CACNA1D: variants seen among roughly 807,000 people sequenced by gnomAD.
The protein encoded by CACNA1D is voltage-dependent L-type calcium channel subunit alpha-1D.
A neutral mutation model predicts 257.1 loss-of-function variants in CACNA1D; 55 were observed. The ratio of observed to expected loss-of-function variants is 0.21; its 90% CI spans 0.17 to 0.27. The LOEUF (loss-of-function observed/expected upper bound fraction) is 0.27, where lower values mean the gene tolerates loss of function less well. CACNA1D is among the 10% of genes least tolerant of loss of function. The pLI, the probability that CACNA1D is intolerant of heterozygous loss-of-function variation, is 1.00. For missense variants in CACNA1D, 1,876 were observed against 2,784.0 expected, an observed-to-expected ratio of 0.67 and a Z score of 7.34; for synonymous variants, 980 against 1,014.9, an observed-to-expected ratio of 0.97 and a Z score of 0.65.
At chr3:53,557,790 G>A (rs2092673865) in intron 3 of CACNA1D, among the ~76,000 whole-genome samples, 1 of 152,278 alleles carries the variant, frequency 6.6e-6, no homozygotes, top group Non-Finnish European at 1.5e-5. Context: ...AAAGCGGGGT[G>A]ACTTGAATTC....
At chr3:53,756,027 A>C (rs7373113) in intron 29 of CACNA1D, among the ~76,000 whole-genome samples, 123,131 of 152,054 alleles carry the variant, frequency 0.81, 50,531 homozygotes, top group East Asian at 1. Flanking sequence ...AGCTTTGTAA[A>C]AGGGTCCCTC....
At position 53,561,330 on chromosome 3, in the gene CACNA1D, A is replaced by G. The variant is rs1039570586; in HGVS notation, c.483+59610A>G. Among the ~76,000 whole-genome samples, 9 of 152,170 alleles carry G rather than the reference A, an allele frequency of 5.9e-5. No individual in the cohort carries two copies. In the South Asian group the frequency reaches 6.2e-4, roughly 11 times the overall value. On this transcript the variant is annotated intron_variant, in intron 3 of 47. Coordinates refer to ENST00000350061, the MANE Select transcript of CACNA1D (RefSeq NM_001128840.3). Reference sequence around the variant, plus strand: ...GACTGCTGCGCTCTGGTCTGGACTTACTCATGAATTATTGCATAACTCTGG... The same window carrying G: ...GACTGCTGCGCTCTGGTCTGGACTTGCTCATGAATTATTGCATAACTCTGG...
In CACNA1D at chr3:53,735,465, G is replaced by A. The variant is rs764701041; in HGVS notation, c.2713G>A (p.Ala905Thr). The A allele has an allele frequency of 6.8e-6, 11 of 1,613,740 alleles. No individual in the cohort carries two copies. Among genetic ancestry groups the A allele is most frequent in the African/African-American group, 1.3e-5 (1 of 74,952 alleles). Reference sequence around the variant, plus strand: ...CATGCTGAGCAGCGCTGCCCTGGCCGCAGAGGACCCCATCCGCAGCCACTC... The same window carrying A: ...CATGCTGAGCAGCGCTGCCCTGGCCACAGAGGACCCCATCCGCAGCCACTC... ...FIMLSSAALAAEDPIRSHSFR... is the reference protein window; with the variant it reads ...FIMLSSAALATEDPIRSHSFR... Residue 905 changes from alanine (A) to threonine (T), a missense_variant, in exon 20 of 48, where the codon GCA becomes ACA. Ala to Thr is a moderately conservative substitution (Grantham distance 58, BLOSUM62 0). Coordinates refer to ENST00000350061, the MANE Select transcript of CACNA1D (RefSeq NM_001128840.3).
intron 3 of CACNA1D, among the ~76,000 whole-genome samples, chr3:53,605,024 G>A (rs1046748805): frequency 6.6e-6 from 1 of 152,210 alleles, no homozygotes; most frequent in Non-Finnish European, 1.5e-5. Flanking sequence ...TCAAGAAGGT[G>A]CACTTATGTG....
chr3:53,711,476 C>G lies in CACNA1D; in HGVS notation c.1391-6825C>G, dbSNP rs548510510. Among the ~76,000 whole-genome samples, 4 of 152,348 alleles carry G rather than the reference C, an allele frequency of 2.6e-5. No individual in the cohort carries two copies. The South Asian group carries it at 8.3e-4, about 32-fold the overall frequency. On this transcript the variant is annotated intron_variant, in intron 9 of 47. Transcript: ENST00000350061. ...CTGCCTTGCTCTGCCCAAGTCATGGCAGTGGTTCGACAGCAGCACAAAGCT... is the reference window on the plus strand; with the variant it reads ...CTGCCTTGCTCTGCCCAAGTCATGGGAGTGGTTCGACAGCAGCACAAAGCT...
chr3:53,763,622 C>T (rs1473142849), intron 30 of CACNA1D, among the ~76,000 whole-genome samples: 1 of 152,230 alleles, frequency 6.6e-6, no homozygotes, highest in Non-Finnish European at 1.5e-5. Context: ...CCCCCTGCCC[C>T]TGATGCTCTG....
At chr3:53,629,790 G>A (rs1195638164) in intron 3 of CACNA1D, among the ~76,000 whole-genome samples, 2 of 152,166 alleles carry the variant, frequency 1.3e-5, no homozygotes, top group South Asian at 2.1e-4. Context: ...TTTGAGCCCC[G>A]ATGTATAAAT....
intron 3 of CACNA1D, among the ~76,000 whole-genome samples, chr3:53,610,070 T>C (rs999398135): frequency 6.6e-6 from 1 of 152,244 alleles, no homozygotes; most frequent in Non-Finnish European, 1.5e-5. Flanking sequence ...AATCATTGAC[T>C]TTTAATTCCA....
chr3:53,549,498 C>T (rs923125718), intron 3 of CACNA1D, among the ~76,000 whole-genome samples: 65 of 152,120 alleles, frequency 4.3e-4, no homozygotes, highest in African/African-American at 1.4e-3. Context: ...TAACACTCCT[C>T]AGCTGTAAAA....
At chr3:53,676,174 C>T (rs1345478801) in intron 8 of CACNA1D, among the ~76,000 whole-genome samples, 1 of 152,116 alleles carries the variant, frequency 6.6e-6, no homozygotes, top group Non-Finnish European at 1.5e-5. Flanking sequence ...AGTAGAGGTG[C>T]AGACCCAGAG....
At position 53,729,482 on chromosome 3, in the gene CACNA1D, C is replaced by G. The variant is rs368957935; in HGVS notation, c.2222-960C>G. 7.8e-4 allele frequency among the ~76,000 whole-genome samples: 119 copies of G among 152,298 alleles called. 2 individuals carry two copies. In the South Asian group the frequency reaches 0.024, roughly 31 times the overall value. On this transcript the variant is annotated intron_variant, in intron 15 of 47. Transcript: ENST00000350061. ...TGGCCGGGCATCAGGCAGAGAGAAG[C>G]ATTTGTCACAGAAGGGGGCCTTCTC...
At chr3:53,716,407 A>G (rs919385225) in intron 9 of CACNA1D, among the ~76,000 whole-genome samples, 1 of 152,240 alleles carries the variant, frequency 6.6e-6, no homozygotes. Context: ...AGGGTCTCCC[A>G]CTGTGATTTT....
At position 53,800,627 on chromosome 3, in the gene CACNA1D, T is replaced by C. The variant is rs1331340693; in HGVS notation, c.5040+262T>C. ...TTCTGAGGAGCTCGGCCACAGCCGC[T>C]GGCCCTGTGGATGAGCATCCTGAGT... On this transcript the variant is annotated intron_variant, in intron 41 of 47. Coordinates refer to ENST00000350061, the MANE Select transcript of CACNA1D (RefSeq NM_001128840.3). This position sits in a 1 kb window ranked among gnomAD's most constrained non-coding sequence, Gnocchi z 4.3. The C allele has an allele frequency of 1.9e-6, 1 of 536,518 alleles. No individual in the cohort carries two copies. Among genetic ancestry groups the C allele is most frequent in the Non-Finnish European group, 3.4e-6 (1 of 295,054 alleles). 33.2% of individuals were successfully genotyped at this position (536,518 alleles called of 1,614,324 possible).
chr3:53,571,174 A>G (rs1227255247), intron 3 of CACNA1D, among the ~76,000 whole-genome samples: 1 of 152,196 alleles, frequency 6.6e-6, no homozygotes, highest in Non-Finnish European at 1.5e-5. Flanking sequence ...GTGGGGAAGT[A>G]TCTGAATGAT....
intron 3 of CACNA1D, among the ~76,000 whole-genome samples, chr3:53,576,936 G>A (rs115697371): frequency 0.059 from 8,925 of 152,312 alleles, 375 homozygotes; most frequent in Middle Eastern, 0.13. Flanking sequence ...TTACCAGTCA[G>A]TTCTTATTCT....
chr3:53,707,631 T>C (rs1346198824), intron 9 of CACNA1D, among the ~76,000 whole-genome samples: 1 of 152,210 alleles, frequency 6.6e-6, no homozygotes, highest in Non-Finnish European at 1.5e-5. Flanking sequence ...ATTTAACTTT[T>C]TGCTGAGCTT....
rs1576563315 is a variant in CACNA1D at position 53,753,519 on chromosome 3, A to C, written c.3676-53A>C. Reference sequence around the variant, plus strand: ...GGGCTGGGAGCCTCCATGTGCAAGCATGTGAGATCGTGGCTGAGGCTCTGA... The same window carrying C: ...GGGCTGGGAGCCTCCATGTGCAAGCCTGTGAGATCGTGGCTGAGGCTCTGA... On this transcript the variant is annotated intron_variant, in intron 28 of 47. Transcript: ENST00000350061. The C allele has an allele frequency of 1.3e-5, 15 of 1,176,448 alleles. No individual in the cohort carries two copies. The East Asian group carries it at 3.3e-4, about 26-fold the overall frequency. The allele number at this position is 1,176,448 out of a possible 1,614,324, so 72.9% of individuals were successfully genotyped here.
chr3:53,743,111 G>A lies in CACNA1D; in HGVS notation c.2912G>A (p.Gly971Glu). The change falls in exon 22 of 48, where the codon GGG becomes GAG. Residue 971 changes from glycine (G) to glutamate (E), a missense_variant. Coordinates refer to ENST00000350061, the MANE Select transcript of CACNA1D (RefSeq NM_001128840.3). ...GTTGGGGTGTCTCTGGTGTCATTTG[G>A]GATTCAGTAAGTATTCTGGGGTGTG... ...LVVGVSLVSFGIQSSAISVVK... is the reference protein window; with the variant it reads ...LVVGVSLVSFEIQSSAISVVK... 1 of 1,607,914 alleles carries A rather than the reference G, an allele frequency of 6.2e-7. No individual in the cohort carries two copies. Among genetic ancestry groups the A allele is most frequent in the Non-Finnish European group, 8.5e-7 (1 of 1,174,324 alleles).
intron 3 of CACNA1D, among the ~76,000 whole-genome samples, chr3:53,649,994 G>T (rs964852102): frequency 6.6e-6 from 1 of 152,196 alleles, no homozygotes; most frequent in African/African-American, 2.4e-5. Flanking sequence ...AAGGTTCTAC[G>T]AGTCATTTAG....
Sources: allele counts gnomAD v4.1 joint callset (sites outside exome capture counted in the v4.1 genomes callset), GRCh38; gene constraint gnomAD v4.1.1; non-coding constraint Gnocchi (gnomAD v3.1); transcripts MANE v1.5; gene names NCBI Gene and HGNC (gene_info 2026-07-23, HGNC 2026-07-21).